The following NTRK3 variants were observed in gnomAD, a reference collection of about 807,000 sequenced individuals.
NTRK3 encodes the protein neurotrophic receptor tyrosine kinase 3.
A neutral mutation model predicts 91.7 loss-of-function variants in NTRK3; 24 were observed. The ratio of observed to expected loss-of-function variants is 0.26; its 90% CI spans 0.19 to 0.37. The LOEUF is 0.37. Among genes scored for constraint, NTRK3 ranks in the 10% least tolerant of loss-of-function variants. The pLI is 1.00. For synonymous variants in NTRK3, 483 were observed against 404.0 expected (o/e 1.20, Z -2.34); for missense variants, 880 against 1,068.9 (o/e 0.82, Z 2.46).
At chr15:87,910,554 C>T (rs1356103819) in intron 17 of NTRK3, among the ~76,000 whole-genome samples, 2 of 152,106 alleles carry the variant, frequency 1.3e-5, no homozygotes, top group African/African-American at 4.8e-5. Flanking sequence ...ATTAAGCAAT[C>T]AAAGAGAGAA....
Position 88,033,051 on chromosome 15 carries a change from C to G in NTRK3, c.1397-6G>C, listed in dbSNP as rs1306440356. On this transcript the variant is annotated splice_region_variant and splice_polypyrimidine_tract_variant and intron_variant, in intron 13 of 18. Transcript: ENST00000394480. ...ACTGATGACAGCCACGGGACCTGCA[C>G]ACACCAAGAGAGACGCAGGACCTGG... 6.4e-7 allele frequency: 1 copy of G among 1,571,172 alleles called. No homozygotes were observed. The highest frequency in any genetic ancestry group is 8.6e-7 in the Non-Finnish European group (1 of 1,157,824).
intron 13 of NTRK3, among the ~76,000 whole-genome samples, chr15:88,084,543 A>G (rs1355114610): frequency 2.0e-5 from 3 of 152,208 alleles, no homozygotes; most frequent in Non-Finnish European, 2.9e-5. Flanking sequence ...TCTGAGCTCA[A>G]CTGTGGACTC....
chr15:87,999,246 C>T (rs1027981225), intron 14 of NTRK3, among the ~76,000 whole-genome samples: 4 of 152,208 alleles, frequency 2.6e-5, no homozygotes, highest in African/African-American at 9.7e-5. Context: ...CACTATTCCT[C>T]TGAACAATGG....
intron 17 of NTRK3, among the ~76,000 whole-genome samples, chr15:87,923,968 C>T (rs1013302160): frequency 1.3e-5 from 2 of 152,172 alleles, no homozygotes; most frequent in African/African-American, 2.4e-5. Flanking sequence ...GCCTAGCCTC[C>T]AGAACCATAA....
At position 88,014,605 on chromosome 15, in the gene NTRK3, T is replaced by A. The variant is rs573961464; in HGVS notation, c.1585+18252A>T. Among the ~76,000 whole-genome samples the A allele has an allele frequency of 6.8e-4, 103 of 152,316 alleles. No homozygotes were observed. The Middle Eastern group carries it at 0.017, about 25-fold the overall frequency. On this transcript the variant is annotated intron_variant, in intron 14 of 18. Transcript: ENST00000394480. ...GGCAAAAATATAAGCGAGGATCATA[T>A]TGCAACTGCAACTAACTGGTGATAA...
At chr15:87,970,050 G>A (rs1047920064) in intron 14 of NTRK3, among the ~76,000 whole-genome samples, 2 of 152,176 alleles carry the variant, frequency 1.3e-5, no homozygotes, top group African/African-American at 2.4e-5. Flanking sequence ...GGTATTTGGG[G>A]CATCTGTCCA....
intron 13 of NTRK3, among the ~76,000 whole-genome samples, chr15:88,040,670 TG>T (rs1289627806): frequency 6.6e-6 from 1 of 152,222 alleles, no homozygotes; most frequent in East Asian, 1.9e-4. Flanking sequence ...ATCCAGCCAC[TG>T]GCCCAACCCT....
intron 17 of NTRK3, among the ~76,000 whole-genome samples, chr15:87,896,909 G>A (rs1332245068): frequency 6.6e-6 from 1 of 152,168 alleles, no homozygotes; most frequent in Non-Finnish European, 1.5e-5. Flanking sequence ...GAGACAAACT[G>A]AATATCTCAG....
chr15:87,923,472 T>A (rs562325729), intron 17 of NTRK3, among the ~76,000 whole-genome samples: 16 of 152,322 alleles, frequency 1.1e-4, no homozygotes, highest in African/African-American at 3.6e-4. Flanking sequence ...GCCTGAATGA[T>A]GGTGTAGCAG....
intron 3 of NTRK3, among the ~76,000 whole-genome samples, chr15:88,244,005 C>G (rs1357636742): frequency 2.0e-5 from 3 of 152,188 alleles, no homozygotes; most frequent in African/African-American, 7.2e-5. Flanking sequence ...CTGACTCAGT[C>G]TGACCTGGCC....
At chr15:88,076,992 G>A (rs368415300) in intron 13 of NTRK3, among the ~76,000 whole-genome samples, 2 of 152,112 alleles carry the variant, frequency 1.3e-5, no homozygotes, top group East Asian at 1.9e-4. Context: ...TACTCGGGAG[G>A]CTGAGGCATG....
At chr15:88,135,213 G>A (rs756112816) in exon 10 of NTRK3, 6 of 1,614,256 alleles carry the variant, frequency 3.7e-6, no homozygotes, top group Middle Eastern at 1.6e-4. Flanking sequence ...GCTTGTTGAA[G>A]AGCAGGCAGC....
chr15:87,953,280 T>C lies in NTRK3; in HGVS notation c.1586-12527A>G, dbSNP rs80311825. Among the ~76,000 whole-genome samples, 965 of 152,290 alleles carry C rather than the reference T, an allele frequency of 6.3e-3. 16 individuals carry two copies. The highest frequency in any genetic ancestry group is 0.022 in the African/African-American group (920 of 41,568). ...CCTCCCCTGGCTTGGGGGTCTTGGA[T>C]CAGGTCCATGTGTGTTCACCAAGCT... is the stretch of plus-strand genomic sequence containing the variant. On this transcript the variant is annotated intron_variant, in intron 14 of 18. Coordinates refer to ENST00000394480, the Ensembl canonical transcript of NTRK3.
intron 3 of NTRK3, among the ~76,000 whole-genome samples, chr15:88,186,603 C>T (rs2046966404): frequency 6.6e-6 from 1 of 152,178 alleles, no homozygotes; most frequent in Non-Finnish European, 1.5e-5. Context: ...GCCTGCTTTC[C>T]TGCAGCCCCA....
chr15:87,921,870 G>T (rs937118783), intron 17 of NTRK3, among the ~76,000 whole-genome samples: 2 of 151,000 alleles, frequency 1.3e-5, no homozygotes, highest in African/African-American at 2.5e-5. Context: ...AAAGATTAGG[G>T]GACTTGGTAT....
chr15:88,170,637 A>G (rs1334653163), intron 5 of NTRK3, among the ~76,000 whole-genome samples: 1 of 152,196 alleles, frequency 6.6e-6, no homozygotes, highest in Non-Finnish European at 1.5e-5. Context: ...CACTCTTTCT[A>G]TGTTCCATAA....
chr15:87,894,512 G>A (rs1165588016), intron 17 of NTRK3, among the ~76,000 whole-genome samples: 1 of 152,146 alleles, frequency 6.6e-6, no homozygotes, highest in African/African-American at 2.4e-5. Context: ...ATTCCCTGAT[G>A]GTATGGGGTT....
intron 13 of NTRK3, among the ~76,000 whole-genome samples, chr15:88,075,319 G>C (rs557803860): frequency 6.6e-6 from 1 of 152,196 alleles, no homozygotes; most frequent in Non-Finnish European, 1.5e-5. Flanking sequence ...GGAACTCAGC[G>C]AGGATGTCAA....
Position 87,901,717 on chromosome 15 carries a change from G to A in NTRK3, c.2134-21289C>T, listed in dbSNP as rs895804786. 2.7e-5 allele frequency among the ~76,000 whole-genome samples: 4 copies of A among 149,850 alleles called. 1 individual carries two copies. Among genetic ancestry groups the A allele is most frequent in the Non-Finnish European group, 5.9e-5 (4 of 67,714 alleles). On this transcript the variant is annotated intron_variant, in intron 17 of 18. Coordinates refer to ENST00000394480, the Ensembl canonical transcript of NTRK3. Reference sequence around the variant, plus strand: ...ATTGGCTATGAAAACTACTATTATCGACAGCATTGTATTGAGAAAGGAAGA... The same window carrying A: ...ATTGGCTATGAAAACTACTATTATCAACAGCATTGTATTGAGAAAGGAAGA...
Sources: allele counts gnomAD v4.1 joint callset (sites outside exome capture counted in the v4.1 genomes callset), GRCh38; gene constraint gnomAD v4.1.1; transcripts MANE v1.5; gene names NCBI Gene and HGNC (gene_info 2026-07-23, HGNC 2026-07-21).